PCBP3: variants seen among roughly 807,000 people sequenced by gnomAD.
PCBP3 encodes the protein poly(rC) binding protein 3, also known as poly(rC)-binding protein 3.
In PCBP3, 25 loss-of-function variants were observed where a neutral mutation model predicts 52.7. The ratio of observed to expected loss-of-function variants is 0.47; its 90% CI spans 0.35 to 0.66. PCBP3 has a LOEUF of 0.66. Ranked by LOEUF, PCBP3 falls within the 30% of genes least tolerant of loss-of-function variation. The pLI is 0.01. For missense variants in PCBP3, 391 were observed against 490.3 expected (o/e 0.80, Z 1.91); for synonymous variants, 162 against 183.0 (o/e 0.89, Z 0.93).
chr21:45,773,328 G>A (rs1251135586), intron 4 of PCBP3, among the ~76,000 whole-genome samples: 2 of 152,222 alleles, frequency 1.3e-5, no homozygotes, highest in Non-Finnish European at 2.9e-5. Flanking sequence ...TATGGTGAGA[G>A]ATAAGGTCGA....
intron 15 of PCBP3, among the ~76,000 whole-genome samples, chr21:45,932,680 C>T (rs1253418554): frequency 6.6e-6 from 1 of 152,030 alleles, no homozygotes; most frequent in Non-Finnish European, 1.5e-5. Flanking sequence ...GATGAATGAA[C>T]ACCTGGGCCA....
At chr21:45,769,740 G>A (rs113008138) in intron 4 of PCBP3, among the ~76,000 whole-genome samples, 2,872 of 152,332 alleles carry the variant, frequency 0.019, 96 homozygotes, top group African/African-American at 0.06. Flanking sequence ...GCCGTCTCTC[G>A]TAGGCAGGCC....
Position 45,753,750 on chromosome 21 carries a change from G to T in PCBP3, c.-161-1667G>T, listed in dbSNP as rs555128553. On this transcript the variant is annotated intron_variant, in intron 3 of 17. Coordinates refer to ENST00000681687, the MANE Select transcript of PCBP3 (RefSeq NM_001384156.1). ...TGTATGCTTAATTTATCAAGGTCCA[G>T]AATTAATTAGTACTCTGTCCACATT... 3.3e-5 allele frequency among the ~76,000 whole-genome samples: 5 copies of T among 152,204 alleles called. No individual in the cohort carries two copies. The South Asian group carries it at 1.0e-3, about 32-fold the overall frequency.
intron 4 of PCBP3, among the ~76,000 whole-genome samples, chr21:45,845,907 G>T (rs1372161296): frequency 6.6e-6 from 1 of 152,198 alleles, no homozygotes; most frequent in African/African-American, 2.4e-5. Flanking sequence ...TACTCCCGGG[G>T]TCTCACAGCC....
intron 9 of PCBP3, among the ~76,000 whole-genome samples, chr21:45,907,562 G>T (rs1035771340): frequency 2.0e-5 from 3 of 152,144 alleles, no homozygotes; most frequent in African/African-American, 7.2e-5. Flanking sequence ...CTTTGCTATG[G>T]GACCTTTTTT....
At chr21:45,804,902 C>A (rs973829531) in intron 4 of PCBP3, among the ~76,000 whole-genome samples, 6 of 152,052 alleles carry the variant, frequency 3.9e-5, no homozygotes, top group Admixed American at 3.9e-4. Flanking sequence ...GTCAGGCTTA[C>A]CAGCTCAGAG....
At chr21:45,828,862 G>A (rs147845925) in intron 4 of PCBP3, 6 of 152,334 alleles carry the variant, frequency 3.9e-5, no homozygotes, top group African/African-American at 4.8e-5. Flanking sequence ...GAGTACCCAC[G>A]GTCATGCCCA....
At chr21:45,813,642 C>G (rs1179525981) in intron 4 of PCBP3, among the ~76,000 whole-genome samples, 1 of 152,210 alleles carries the variant, frequency 6.6e-6, no homozygotes, top group African/African-American at 2.4e-5. Context: ...TGGGGTTTCA[C>G]CATGTTGGCC....
intron 1 of PCBP3, among the ~76,000 whole-genome samples, chr21:45,660,876 T>C (rs1265615859): frequency 1.3e-5 from 2 of 151,996 alleles, no homozygotes; most frequent in Non-Finnish European, 2.9e-5. Context: ...CCGTCTTTAC[T>C]AAAAAATAAC....
chr21:45,881,729 C>CG (rs959298470), intron 5 of PCBP3, among the ~76,000 whole-genome samples: 1 of 152,188 alleles, frequency 6.6e-6, no homozygotes, highest in African/African-American at 2.4e-5. Context: ...CCCAACCCCC[C>CG]GCAGTCCCCG....
intron 5 of PCBP3, among the ~76,000 whole-genome samples, chr21:45,894,194 A>G (rs1329112945): frequency 6.6e-6 from 1 of 152,114 alleles, no homozygotes; most frequent in Non-Finnish European, 1.5e-5. Context: ...CTGCCCTTGC[A>G]ATGAAGAGAG....
At chr21:45,647,159 T>A (rs1289839105) in intron 1 of PCBP3, among the ~76,000 whole-genome samples, 1 of 152,222 alleles carries the variant, frequency 6.6e-6, no homozygotes, top group African/African-American at 2.4e-5. Flanking sequence ...GTTGAGGTGC[T>A]TTTTGTTATG....
intron 5 of PCBP3, chr21:45,858,690 C>T (rs2094400237): frequency 6.6e-6 from 1 of 152,204 alleles, no homozygotes; most frequent in South Asian, 2.1e-4. Flanking sequence ...GTTCCCAGGT[C>T]CCCCTTCAGT....
Position 45,770,486 on chromosome 21 carries a change from G to T in PCBP3, c.-126+15034G>T, listed in dbSNP as rs899764454. On this transcript the variant is annotated intron_variant, in intron 4 of 17. Transcript: ENST00000681687. ...TTCTTCTACCTTCTGCTGTGTTGTT[G>T]TGTTTTTCTTCATGTGGCAGAGATT... Among the ~76,000 whole-genome samples the T allele has an allele frequency of 3.3e-5, 5 of 152,236 alleles. No homozygotes were observed. In the South Asian group the frequency reaches 1.0e-3, roughly 32 times the overall value.
At chr21:45,756,306 T>A (rs748489354) in intron 4 of PCBP3, among the ~76,000 whole-genome samples, 10 of 152,260 alleles carry the variant, frequency 6.6e-5, no homozygotes, top group Non-Finnish European at 1.3e-4. Flanking sequence ...GTCTTCTCAC[T>A]GGCACCAAAG....
At chr21:45,833,835 G>A (rs1782432369) in intron 4 of PCBP3, among the ~76,000 whole-genome samples, 1 of 152,230 alleles carries the variant, frequency 6.6e-6, no homozygotes, top group Non-Finnish European at 1.5e-5. Flanking sequence ...TTGCAGTCCT[G>A]CCTGCCTGGG....
At chr21:45,865,748 C>A (rs916063385) in intron 5 of PCBP3, among the ~76,000 whole-genome samples, 36 of 152,184 alleles carry the variant, frequency 2.4e-4, no homozygotes, top group East Asian at 1.9e-4. Context: ...TGTTATCACC[C>A]GGAGCTGTGG....
chr21:45,710,893 T>C (rs79490007), intron 2 of PCBP3, among the ~76,000 whole-genome samples: 1 of 152,280 alleles, frequency 6.6e-6, no homozygotes, highest in African/African-American at 2.4e-5. Context: ...TATAGTTCCA[T>C]GTTGCATTTT....
intron 3 of PCBP3, among the ~76,000 whole-genome samples, chr21:45,752,241 A>AT (rs1451289077): frequency 2.0e-5 from 3 of 151,938 alleles, no homozygotes; most frequent in Admixed American, 6.6e-5. Context: ...GTGTAGTTTA[A>AT]TTTTTTATTA....
Sources: gnomAD v4.1 joint callset for allele counts (sites outside exome capture counted in the v4.1 genomes callset) on GRCh38, gnomAD v4.1.1 for gene constraint, MANE v1.5 for transcripts, NCBI Gene and HGNC (gene_info 2026-07-23, HGNC 2026-07-21) for gene names.